The following DCC variants were observed in gnomAD, a reference collection of about 807,000 sequenced individuals.
DCC encodes netrin receptor DCC.
In DCC, 58 loss-of-function variants were observed where a neutral mutation model predicts 172.5. The observed-to-expected ratio is 0.34, with a 90% CI of 0.27 to 0.42. The LOEUF is 0.42. DCC is among the 10% of genes least tolerant of loss of function. DCC has a pLI of 1.00. For missense variants in DCC, 1,740 were observed against 1,791.0 expected, an observed-to-expected ratio of 0.97 and a Z score of 0.51; for synonymous variants, 709 against 644.5, an observed-to-expected ratio of 1.10 and a Z score of -1.52.
chr18:52,817,215 A>C (rs947876385), intron 2 of DCC, among the ~76,000 whole-genome samples: 8 of 152,194 alleles, frequency 5.3e-5, no homozygotes, highest in African/African-American at 1.9e-4. Context: ...ATTATTTACT[A>C]TTCCATTGAT....
Position 52,438,874 on chromosome 18 carries a change from G to A in DCC, c.91+97996G>A, listed in dbSNP as rs187749152. 1.8e-3 allele frequency among the ~76,000 whole-genome samples: 272 copies of A among 152,226 alleles called. 2 individuals carry two copies. The highest frequency in any genetic ancestry group is 6.0e-3 in the African/African-American group (251 of 41,548). Reference sequence around the variant, plus strand: ...ACATTTAGGTAAATTACTTATAGTCGTGACTGAACAGCAGAGAATTGAAGG... The same window carrying A: ...ACATTTAGGTAAATTACTTATAGTCATGACTGAACAGCAGAGAATTGAAGG... On this transcript the variant is annotated intron_variant, in intron 1 of 28. Coordinates refer to ENST00000442544, the MANE Select transcript of DCC (RefSeq NM_005215.4).
chr18:52,527,800 T>C (rs1464785936), intron 1 of DCC, among the ~76,000 whole-genome samples: 2 of 152,198 alleles, frequency 1.3e-5, no homozygotes, highest in African/African-American at 4.8e-5. Flanking sequence ...GAAAATGAAA[T>C]TACTATACCT....
intron 12 of DCC, among the ~76,000 whole-genome samples, chr18:53,238,478 A>G (rs578035978): frequency 1.3e-5 from 2 of 152,320 alleles, no homozygotes; most frequent in Non-Finnish European, 2.9e-5. Flanking sequence ...AGATGAAGAA[A>G]CAAAGAATCA....
At chr18:53,517,398 T>C (rs1351706371) in intron 27 of DCC, among the ~76,000 whole-genome samples, 3 of 151,330 alleles carry the variant, frequency 2.0e-5, no homozygotes, top group Admixed American at 6.6e-5. Context: ...TGTATACATA[T>C]GTAACTAACC....
intron 7 of DCC, among the ~76,000 whole-genome samples, chr18:53,096,487 T>G (rs9957443): frequency 0.26 from 39,298 of 152,084 alleles, 6,211 homozygotes; most frequent in African/African-American, 0.44. Flanking sequence ...AAGTAGAGTT[T>G]GAATTTGCAG....
At chr18:53,168,041 G>A (rs935596816) in intron 8 of DCC, among the ~76,000 whole-genome samples, 14 of 152,048 alleles carry the variant, frequency 9.2e-5, no homozygotes, top group East Asian at 3.9e-4. Flanking sequence ...TTAGAATGGC[G>A]ATTATTAAAA....
intron 5 of DCC, among the ~76,000 whole-genome samples, chr18:53,058,334 T>C (rs1359051658): frequency 6.6e-6 from 1 of 152,160 alleles, no homozygotes; most frequent in East Asian, 1.9e-4. Context: ...TTATTAAATA[T>C]AAAGTTACAA....
chr18:52,402,544 G>T (rs1986481753), intron 1 of DCC, among the ~76,000 whole-genome samples: 1 of 151,890 alleles, frequency 6.6e-6, no homozygotes, highest in Non-Finnish European at 1.5e-5. Context: ...TCTTCTAAAG[G>T]TTGGCTTCAC....
At chr18:52,413,433 AATCTTTCT>A (rs1012898774) in intron 1 of DCC, among the ~76,000 whole-genome samples, 5 of 147,642 alleles carry the variant, frequency 3.4e-5, no homozygotes, top group Non-Finnish European at 6.1e-5. Flanking sequence ...GCATCTATCT[AATCTTTCT>A]ATCTTTCTAT....
intron 5 of DCC, among the ~76,000 whole-genome samples, chr18:52,952,491 A>G (rs2040665671): frequency 1.3e-5 from 2 of 152,226 alleles, no homozygotes. Flanking sequence ...TGATGATTAC[A>G]TAAAATAGGG....
At chr18:52,762,020 G>A (rs866711629) in intron 2 of DCC, among the ~76,000 whole-genome samples, 4 of 151,930 alleles carry the variant, frequency 2.6e-5, no homozygotes, top group East Asian at 1.9e-4. Context: ...CTTAACCAGC[G>A]CTTATTGTGA....
At chr18:52,397,779 T>A (rs1293813922) in intron 1 of DCC, among the ~76,000 whole-genome samples, 1 of 152,002 alleles carries the variant, frequency 6.6e-6, no homozygotes, top group African/African-American at 2.4e-5. Context: ...ACCTTTGAGT[T>A]TGTATAATAT....
intron 18 of DCC, 55 bp from the exon 19 acceptor site, chr18:53,402,728 CAAT>C (rs10612041): frequency 0.29 from 351,444 of 1,233,130 alleles, 51,966 homozygotes; most frequent in East Asian, 0.44. Flanking sequence ...AAATTTCCAA[CAAT>C]GTTTATTTTC....
intron 1 of DCC, among the ~76,000 whole-genome samples, chr18:52,692,383 G>C (rs535377087): frequency 6.6e-6 from 1 of 152,182 alleles, no homozygotes; most frequent in Non-Finnish European, 1.5e-5. Context: ...TAGACATTCT[G>C]CCACCTTCTG....
intron 12 of DCC, among the ~76,000 whole-genome samples, chr18:53,288,598 A>G (rs2056962727): frequency 6.6e-6 from 1 of 152,136 alleles, no homozygotes; most frequent in Non-Finnish European, 1.5e-5. Flanking sequence ...AGTCAGCCCT[A>G]ATGCAATCAG....
Position 53,410,188 on chromosome 18 carries a change from G to T in DCC, c.2936-264G>T, listed in dbSNP as rs139017454. ...AACAAACTAATAATCAGGATTTATA[G>T]GTAGCAGAAAGCACACATTTTTAAA... On this transcript the variant is annotated intron_variant, in intron 19 of 28. Transcript: ENST00000442544. Among the ~76,000 whole-genome samples, 11 of 152,218 alleles carry T rather than the reference G, an allele frequency of 7.2e-5. No individual in the cohort carries two copies. In the East Asian group the frequency reaches 2.1e-3, roughly 29 times the overall value.
intron 1 of DCC, among the ~76,000 whole-genome samples, chr18:52,608,070 T>C (rs944920608): frequency 6.6e-6 from 1 of 152,088 alleles, no homozygotes; most frequent in African/African-American, 2.4e-5. Flanking sequence ...TATAAAGAAA[T>C]GGCTTTTCTG....
chr18:52,365,070 AG>A (rs1341626786), intron 1 of DCC, among the ~76,000 whole-genome samples: 1 of 152,198 alleles, frequency 6.6e-6, no homozygotes, highest in Non-Finnish European at 1.5e-5. Context: ...AAATAAATTG[AG>A]TTGGAAAATA....
At chr18:52,449,524 T>G (rs1166308985) in intron 1 of DCC, among the ~76,000 whole-genome samples, 1 of 152,202 alleles carries the variant, frequency 6.6e-6, no homozygotes, top group Non-Finnish European at 1.5e-5. Flanking sequence ...GATAACACTA[T>G]AGCATTTGCT....
Sources: gnomAD v4.1 joint callset for allele counts (sites outside exome capture counted in the v4.1 genomes callset) on GRCh38, gnomAD v4.1.1 for gene constraint, MANE v1.5 for transcripts, NCBI Gene and HGNC (gene_info 2026-07-23, HGNC 2026-07-21) for gene names.